EPM2A: variants seen among roughly 807,000 people sequenced by gnomAD.
EPM2A encodes the protein laforin.
Under a neutral mutation model 26.5 loss-of-function variants are expected in EPM2A, and 21 were observed. That is an observed-to-expected ratio of 0.79 (90% confidence interval 0.56 to 1.14). EPM2A has a LOEUF of 1.14. EPM2A is among the 50% of genes most tolerant of loss of function. The pLI is 0.00. For synonymous variants in EPM2A, 217 were observed against 177.6 expected (o/e 1.22, Z -1.76); for missense variants, 458 against 440.8 (o/e 1.04, Z -0.35).
In EPM2A at chr6:145,480,889, G is replaced by C. The variant is rs372678248; in HGVS notation, c.555+21633C>G. On this transcript the variant is annotated intron_variant, in intron 4 of 4. Transcript: ENST00000638717. ...CTTCTTCATGGCAGCTTATTTCCTTGTTTATTTGGTGATCTTTAATAATGA... is the reference window on the plus strand; with the variant it reads ...CTTCTTCATGGCAGCTTATTTCCTTCTTTATTTGGTGATCTTTAATAATGA... 4.9e-4 allele frequency among the ~76,000 whole-genome samples: 74 copies of C among 152,116 alleles called. 1 individual carries two copies. The South Asian group carries it at 0.011, about 23-fold the overall frequency.
downstream of EPM2A, among the ~76,000 whole-genome samples, chr6:145,620,631 A>G (rs9497375): frequency 5.2e-3 from 799 of 152,336 alleles, 4 homozygotes; most frequent in African/African-American, 0.018. Flanking sequence ...TCTCACTAGA[A>G]ATTGATAAAG....
chr6:145,675,390 T>G (rs1169797742), intron 2 of EPM2A, among the ~76,000 whole-genome samples: 1 of 152,092 alleles, frequency 6.6e-6, no homozygotes, highest in Non-Finnish European at 1.5e-5. Flanking sequence ...ATGGGCAAAA[T>G]AACCAGCTAA....
intron 1 of EPM2A, among the ~76,000 whole-genome samples, chr6:145,714,460 C>T (rs1775508732): frequency 6.6e-6 from 1 of 152,094 alleles, no homozygotes; most frequent in African/African-American, 2.4e-5. Flanking sequence ...AAAACATCAC[C>T]AAACTTCTCA....
In EPM2A at chr6:145,427,224, C is replaced by A. The variant is rs78929111; in HGVS notation, c.556-43127G>T. Among the ~76,000 whole-genome samples, 1,196 of 152,232 alleles carry A rather than the reference C, an allele frequency of 7.9e-3. 11 individuals carry two copies. The highest frequency in any genetic ancestry group is 0.028 in the African/African-American group (1,151 of 41,538). On this transcript the variant is annotated intron_variant, in intron 4 of 4. Transcript: ENST00000638717. Reference sequence around the variant, plus strand: ...CTAACATAATATTGTTTTTACAAAACCAATGACTGAGAGATATGGTAGGTG... The same window carrying A: ...CTAACATAATATTGTTTTTACAAAAACAATGACTGAGAGATATGGTAGGTG...
At chr6:145,496,823 C>T (rs962229840), downstream of EPM2A, among the ~76,000 whole-genome samples, 13 of 149,254 alleles carry the variant, frequency 8.7e-5, no homozygotes, top group African/African-American at 2.2e-4. Context: ...CTGCAAGCTC[C>T]GCTTCCTGGG....
intron 4 of EPM2A, among the ~76,000 whole-genome samples, chr6:145,401,169 G>A (rs537726235): frequency 3.3e-5 from 5 of 151,280 alleles, no homozygotes; most frequent in African/African-American, 1.2e-4. Context: ...AAAACGGGTA[G>A]GGGGAAAAAA....
Position 145,626,110 on chromosome 6 carries a change from G to C in EPM2A, c.*1306C>G. 5 of 1,040,234 alleles carry C rather than the reference G, an allele frequency of 4.8e-6. No individual in the cohort carries two copies. The highest frequency in any genetic ancestry group is 4.6e-6 in the Non-Finnish European group (4 of 864,036). 64.4% of individuals were successfully genotyped at this position (1,040,234 alleles called of 1,614,324 possible). A position where few individuals can be genotyped will look rare whatever the true frequency, so the allele number is the denominator to read the frequency against. On this transcript the variant is annotated 3_prime_UTR_variant, in exon 4 of 4. Coordinates refer to ENST00000367519, the MANE Select transcript of EPM2A (RefSeq NM_005670.4). ...ATGATTATATATCACCTTGCACATA[G>C]AGGCTCTCAATTAAAAAAACACTTC... is the stretch of plus-strand genomic sequence containing the variant.
At chr6:145,512,020 A>G (rs1027456786) in intron 2 of EPM2A, among the ~76,000 whole-genome samples, 1 of 152,226 alleles carries the variant, frequency 6.6e-6, no homozygotes, top group African/African-American at 2.4e-5. Flanking sequence ...AACAGCCAGA[A>G]TAAAGCGTTA....
At chr6:145,416,508 A>G (rs1778710275) in intron 4 of EPM2A, among the ~76,000 whole-genome samples, 1 of 152,134 alleles carries the variant, frequency 6.6e-6, no homozygotes, top group Non-Finnish European at 1.5e-5. Context: ...AAGGGTGTCA[A>G]TGACTTGCAA....
intron 4 of EPM2A, among the ~76,000 whole-genome samples, chr6:145,489,423 C>T (rs1779726398): frequency 6.6e-6 from 1 of 152,082 alleles, no homozygotes; most frequent in Non-Finnish European, 1.5e-5. Context: ...ATGTACTTCT[C>T]AAAACTCCCC....
chr6:145,477,058 GA>G (rs1055617650), intron 4 of EPM2A, among the ~76,000 whole-genome samples: 12 of 151,356 alleles, frequency 7.9e-5, no homozygotes, highest in African/African-American at 2.2e-4. Context: ...GCCAGACTAA[GA>G]AAAAAAGAGA....
intron 2 of EPM2A, among the ~76,000 whole-genome samples, chr6:145,585,197 G>A (rs1472926669): frequency 1.3e-5 from 2 of 151,984 alleles, no homozygotes; most frequent in Non-Finnish European, 2.9e-5. Flanking sequence ...TTCATCATGA[G>A]TATGATGTAT....
intron 2 of EPM2A, among the ~76,000 whole-genome samples, chr6:145,563,524 T>C (rs1195402587): frequency 6.6e-6 from 1 of 151,936 alleles, no homozygotes; most frequent in African/African-American, 2.4e-5. Context: ...TTGGATTTCA[T>C]GGTAAGTGCA....
At chr6:145,642,578 G>A (rs1178679484) in intron 2 of EPM2A, among the ~76,000 whole-genome samples, 1 of 152,092 alleles carries the variant, frequency 6.6e-6, no homozygotes, top group African/African-American at 2.4e-5. Context: ...GTATACATTA[G>A]ATAGAATTAA....
At chr6:145,550,916 T>C (rs1240788540) in intron 2 of EPM2A, among the ~76,000 whole-genome samples, 1 of 152,024 alleles carries the variant, frequency 6.6e-6, no homozygotes, top group Non-Finnish European at 1.5e-5. Context: ...AGTAGGGTAT[T>C]AGTAGTTTCG....
chr6:145,705,474 G>C, intron 1 of EPM2A: 1 of 425,818 alleles, frequency 2.3e-6, no homozygotes, highest in Non-Finnish European at 4.7e-6. Flanking sequence ...AAGGTCACCT[G>C]AGCCAGAGAG....
chr6:145,670,933 G>A (rs1779592515), intron 2 of EPM2A: 1 of 983,512 alleles, frequency 1.0e-6, no homozygotes, highest in African/African-American at 1.7e-5. Context: ...TCAACAAAAA[G>A]GAGAAGCATG....
At chr6:145,584,737 T>C (rs1183743634) in intron 2 of EPM2A, among the ~76,000 whole-genome samples, 1 of 152,096 alleles carries the variant, frequency 6.6e-6, no homozygotes, top group Non-Finnish European at 1.5e-5. Context: ...GGTCCTGGTG[T>C]TCAGTAGCCC....
chr6:145,427,381 A>G (rs985765028), intron 4 of EPM2A, among the ~76,000 whole-genome samples: 1 of 152,140 alleles, frequency 6.6e-6, no homozygotes, highest in Non-Finnish European at 1.5e-5. Flanking sequence ...GGCTGATGCA[A>G]GAGACACAGG....
Sources: gnomAD v4.1 joint callset for allele counts (sites outside exome capture counted in the v4.1 genomes callset) on GRCh38, gnomAD v4.1.1 for gene constraint, MANE v1.5 for transcripts, NCBI Gene and HGNC (gene_info 2026-07-23, HGNC 2026-07-21) for gene names.